Variants in PDE7B observed in about 807,000 individuals in gnomAD.
PDE7B encodes the protein phosphodiesterase 7B, also known as 3',5'-cyclic-AMP phosphodiesterase 7B.
A neutral mutation model predicts 56.2 loss-of-function variants in PDE7B; 29 were observed. The ratio of observed to expected loss-of-function variants is 0.52; its 90% CI spans 0.38 to 0.70. The LOEUF is 0.70. Ranked by LOEUF, PDE7B falls within the 30% of genes least tolerant of loss-of-function variation. PDE7B has a pLI of 0.00. For missense variants in PDE7B, 490 were observed against 565.0 expected (o/e 0.87, Z 1.35); for synonymous variants, 197 against 196.9 (o/e 1.00, Z 0.00).
chr6:135,980,163 CA>C (rs1469335911), intron 2 of PDE7B, among the ~76,000 whole-genome samples: 4 of 152,130 alleles, frequency 2.6e-5, no homozygotes, highest in Non-Finnish European at 4.4e-5. Context: ...TGATCTTTGA[CA>C]AACCTGAGAA....
At chr6:136,012,910 CTG>C (rs1167345379) in intron 2 of PDE7B, among the ~76,000 whole-genome samples, 2 of 152,110 alleles carry the variant, frequency 1.3e-5, no homozygotes, top group Non-Finnish European at 2.9e-5. Flanking sequence ...TTATCTTTCA[CTG>C]TGGAGAGCAG....
rs1403021238 is a variant in PDE7B at position 136,194,372 on chromosome 6, G to GA, written c.*2538dup. The GA allele has an allele frequency of 2.0e-5, 3 of 152,086 alleles. No homozygotes were observed. Among genetic ancestry groups the GA allele is most frequent in the South Asian group, 2.1e-4 (1 of 4,824 alleles). The allele number at this position is 152,086 out of a possible 1,614,324, so 9.4% of individuals were successfully genotyped here. On this transcript the variant is annotated 3_prime_UTR_variant, in exon 13 of 13. Transcript: ENST00000308191. ...TAGGTCTTGAAGAAGAGCTCACAGAGAAAAAACTACCAAATATCCAATGGG... is the reference window on the plus strand; with the variant it reads ...TAGGTCTTGAAGAAGAGCTCACAGAGAAAAAAACTACCAAATATCCAATGGG...
At chr6:136,078,677 CA>C (rs1286210001) in intron 2 of PDE7B, among the ~76,000 whole-genome samples, 46 of 151,978 alleles carry the variant, frequency 3.0e-4, no homozygotes, top group African/African-American at 1.0e-3. Flanking sequence ...TCTTTATGTG[CA>C]AAAAACCTGC....
At chr6:136,066,930 A>G (rs1583861838) in intron 2 of PDE7B, among the ~76,000 whole-genome samples, 1 of 150,404 alleles carries the variant, frequency 6.6e-6, no homozygotes, top group East Asian at 2.0e-4. Context: ...ATGGTAGCTC[A>G]CTGCAGCCTA....
At chr6:135,981,538 C>CAA (rs112390574) in intron 2 of PDE7B, among the ~76,000 whole-genome samples, 1 of 137,534 alleles carries the variant, frequency 7.3e-6, no homozygotes, top group Non-Finnish European at 1.6e-5. Flanking sequence ...TTTTCAATTT[C>CAA]AAAAAAAAAA....
intron 1 of PDE7B, among the ~76,000 whole-genome samples, chr6:135,883,796 A>G (rs2128189134): frequency 6.6e-6 from 1 of 152,272 alleles, no homozygotes; most frequent in Non-Finnish European, 1.5e-5. Flanking sequence ...GGCCTCCCTT[A>G]CCATGCCGAA....
chr6:136,109,932 C>T (rs1777713990), intron 3 of PDE7B, among the ~76,000 whole-genome samples: 1 of 152,138 alleles, frequency 6.6e-6, no homozygotes, highest in Admixed American at 6.5e-5. Context: ...AAGAATATTA[C>T]TTTCCTTTGA....
chr6:136,002,238 G>A (rs564204358), intron 2 of PDE7B, among the ~76,000 whole-genome samples: 1 of 152,264 alleles, frequency 6.6e-6, no homozygotes, highest in East Asian at 1.9e-4. Flanking sequence ...ACCAGCCACT[G>A]CAAAATCAAG....
chr6:135,960,240 A>C (rs150207976), intron 2 of PDE7B, among the ~76,000 whole-genome samples: 1 of 152,184 alleles, frequency 6.6e-6, no homozygotes, highest in Non-Finnish European at 1.5e-5. Flanking sequence ...TCTAGGACAT[A>C]ACAATAAATA....
intron 7 of PDE7B, 37 bp downstream of exon 7, chr6:136,154,212 A>G: frequency 7.3e-7 from 1 of 1,365,000 alleles, no homozygotes; most frequent in Non-Finnish European, 1.0e-6. Flanking sequence ...AGCCACCTGG[A>G]AATGCCAAGG....
intron 1 of PDE7B, among the ~76,000 whole-genome samples, chr6:135,915,109 T>C (rs1244610734): frequency 1.3e-5 from 2 of 152,056 alleles, no homozygotes; most frequent in African/African-American, 4.8e-5. Context: ...AAAAAGGATT[T>C]ATTCCTATTG....
chr6:136,078,849 C>G (rs894736085), intron 2 of PDE7B, among the ~76,000 whole-genome samples: 2 of 152,060 alleles, frequency 1.3e-5, no homozygotes, highest in Non-Finnish European at 2.9e-5. Flanking sequence ...GCACTTATTA[C>G]AAGTATTTTA....
intron 2 of PDE7B, among the ~76,000 whole-genome samples, chr6:136,027,972 T>C (rs1369796875): frequency 6.6e-6 from 1 of 152,204 alleles, no homozygotes; most frequent in African/African-American, 2.4e-5. Context: ...TCTATATTTA[T>C]ATTACAGCAC....
chr6:136,075,829 A>G (rs140391197), intron 2 of PDE7B, among the ~76,000 whole-genome samples: 307 of 152,318 alleles, frequency 2.0e-3, no homozygotes, highest in African/African-American at 6.8e-3. Flanking sequence ...GTCAAGGCAC[A>G]GAAAGCAAAA....
chr6:136,147,124 A>AGT (rs1346286266), intron 3 of PDE7B, among the ~76,000 whole-genome samples: 2 of 151,904 alleles, frequency 1.3e-5, no homozygotes, highest in African/African-American at 4.8e-5. Context: ...ACTGGATGAC[A>AGT]GTGTGAGACC....
intron 1 of PDE7B, among the ~76,000 whole-genome samples, chr6:135,930,292 C>T (rs1774272528): frequency 6.6e-6 from 1 of 152,142 alleles, no homozygotes; most frequent in Admixed American, 6.5e-5. Context: ...CCCCATGATT[C>T]AGTTATCTCC....
chr6:135,921,864 A>T (rs1300329548), intron 1 of PDE7B, among the ~76,000 whole-genome samples: 1 of 152,014 alleles, frequency 6.6e-6, no homozygotes, highest in Non-Finnish European at 1.5e-5. Context: ...AATACCCCTT[A>T]TACTTTCATC....
At chr6:135,950,924 G>A (rs6907512) in intron 2 of PDE7B, among the ~76,000 whole-genome samples, 27,183 of 152,022 alleles carry the variant, frequency 0.18, 2,812 homozygotes, top group South Asian at 0.27. Context: ...ACTCTGGTGC[G>A]CCGGATTCAA....
chr6:136,047,735 G>T (rs950579015), intron 2 of PDE7B, among the ~76,000 whole-genome samples: 2 of 152,054 alleles, frequency 1.3e-5, no homozygotes, highest in Non-Finnish European at 2.9e-5. Flanking sequence ...CTATTTACTG[G>T]TTATTTATTT....
Sources: gnomAD v4.1 joint callset for allele counts (sites outside exome capture counted in the v4.1 genomes callset) on GRCh38, gnomAD v4.1.1 for gene constraint, MANE v1.5 for transcripts, NCBI Gene and HGNC (gene_info 2026-07-23, HGNC 2026-07-21) for gene names.